Variants in PLXDC2 observed in about 807,000 individuals in gnomAD.
The protein encoded by PLXDC2 is plexin domain-containing protein 2.
In PLXDC2, 40 loss-of-function variants were observed where a neutral mutation model predicts 68.9. That is an observed-to-expected ratio of 0.58 (90% CI 0.45 to 0.76). The LOEUF (loss-of-function observed/expected upper bound fraction) is 0.76, where lower values mean the gene tolerates loss of function less well. Ranked by LOEUF, PLXDC2 falls within the 30% of genes least tolerant of loss-of-function variation. The pLI is 0.00. For synonymous variants in PLXDC2, 243 were observed against 234.2 expected (o/e 1.04, Z -0.34); for missense variants, 644 against 661.9 (o/e 0.97, Z 0.30).
intron 4 of PLXDC2, among the ~76,000 whole-genome samples, chr10:20,119,350 G>C (rs1833664237): frequency 6.6e-6 from 1 of 151,836 alleles, no homozygotes; most frequent in Non-Finnish European, 1.5e-5. Flanking sequence ...GATTTGGGTA[G>C]GTAAAGGAAA....
chr10:20,149,542 A>G (rs527472638), intron 6 of PLXDC2, among the ~76,000 whole-genome samples: 22 of 152,032 alleles, frequency 1.4e-4, no homozygotes, highest in East Asian at 1.2e-3. Context: ...CCCGGCCGAT[A>G]GTTATTTTTT....
chr10:20,090,480 TG>T (rs1833262028), intron 4 of PLXDC2, among the ~76,000 whole-genome samples: 2 of 152,050 alleles, frequency 1.3e-5, no homozygotes, highest in African/African-American at 4.8e-5. Context: ...CCCCATGCCC[TG>T]GAAACAATAT....
At position 20,282,793 on chromosome 10, in the gene PLXDC2, C is replaced by T. The variant is rs993697585; in HGVS notation, c.*2974C>T. The T allele has an allele frequency of 6.6e-6, 1 of 152,146 alleles. No homozygotes were observed. Among genetic ancestry groups the T allele is most frequent in the Non-Finnish European group, 1.5e-5 (1 of 68,022 alleles). The allele number at this position is 152,146 out of a possible 1,614,324, so 9.4% of individuals were successfully genotyped here. ...TGAAGGGTTTGGACTTCAAGATATA[C>T]TAACACCTAGAAAACTAAAAGTGCA... On this transcript the variant is annotated 3_prime_UTR_variant, in exon 14 of 14. Coordinates refer to ENST00000377252, the MANE Select transcript of PLXDC2 (RefSeq NM_032812.9).
chr10:19,825,379 TC>T (rs1440867547), intron 1 of PLXDC2, among the ~76,000 whole-genome samples: 2 of 152,182 alleles, frequency 1.3e-5, no homozygotes, highest in Non-Finnish European at 2.9e-5. Context: ...CTCTATGTAT[TC>T]CTTGGAGTGT....
At chr10:20,029,348 A>C (rs975685008) in intron 2 of PLXDC2, among the ~76,000 whole-genome samples, 1 of 152,186 alleles carries the variant, frequency 6.6e-6, no homozygotes, top group Admixed American at 6.6e-5. Context: ...TCCCACATAC[A>C]TAATCCATGC....
At chr10:20,084,224 T>G (rs1833159909) in intron 4 of PLXDC2, among the ~76,000 whole-genome samples, 1 of 152,212 alleles carries the variant, frequency 6.6e-6, no homozygotes, top group Non-Finnish European at 1.5e-5. Context: ...CAGACATTTT[T>G]AAATTAGGTT....
intron 1 of PLXDC2, among the ~76,000 whole-genome samples, chr10:19,824,462 G>A (rs572837810): frequency 1.3e-5 from 2 of 152,336 alleles, no homozygotes; most frequent in East Asian, 3.9e-4. Flanking sequence ...GTATCACTAA[G>A]TTGCTTTCCA....
chr10:20,104,194 G>A (rs1261045712), intron 4 of PLXDC2, among the ~76,000 whole-genome samples: 1 of 152,138 alleles, frequency 6.6e-6, no homozygotes, highest in Non-Finnish European at 1.5e-5. Context: ...GGATTGTCTA[G>A]GGAAACGCAA....
intron 4 of PLXDC2, among the ~76,000 whole-genome samples, chr10:20,111,798 A>G (rs1399219668): frequency 6.6e-6 from 1 of 152,244 alleles, no homozygotes; most frequent in African/African-American, 2.4e-5. Context: ...AAGTTCACAG[A>G]TCCTAACGTA....
chr10:20,009,473 T>G (rs1471445296), intron 2 of PLXDC2, among the ~76,000 whole-genome samples: 3 of 152,026 alleles, frequency 2.0e-5, no homozygotes, highest in Non-Finnish European at 4.4e-5. Context: ...AAGGCAAAGA[T>G]TAATCCTGAA....
At chr10:20,080,616 A>G (rs1836536917) in intron 4 of PLXDC2, among the ~76,000 whole-genome samples, 1 of 152,178 alleles carries the variant, frequency 6.6e-6, no homozygotes, top group Non-Finnish European at 1.5e-5. Flanking sequence ...TGCCTGCTTT[A>G]TTCTAGCCTC....
At chr10:20,078,256 T>G (rs1306330487) in intron 4 of PLXDC2, among the ~76,000 whole-genome samples, 1 of 152,074 alleles carries the variant, frequency 6.6e-6, no homozygotes, top group Non-Finnish European at 1.5e-5. Flanking sequence ...GGTGGTATGC[T>G]TCTGTAGTCC....
At chr10:19,826,005 T>C (rs1411172258) in intron 1 of PLXDC2, among the ~76,000 whole-genome samples, 1 of 152,178 alleles carries the variant, frequency 6.6e-6, no homozygotes, top group Non-Finnish European at 1.5e-5. Flanking sequence ...TTCAATTCAT[T>C]GAAAAATGTC....
intron 1 of PLXDC2, among the ~76,000 whole-genome samples, chr10:19,958,171 G>A (rs1834101013): frequency 6.6e-6 from 1 of 152,018 alleles, no homozygotes; most frequent in African/African-American, 2.4e-5. Flanking sequence ...GAGAAGAGCA[G>A]ACGAGGATAA....
intron 3 of PLXDC2, among the ~76,000 whole-genome samples, chr10:20,054,814 T>G (rs1037603633): frequency 2.6e-5 from 4 of 151,870 alleles, no homozygotes; most frequent in Non-Finnish European, 4.4e-5. Context: ...GTAACTAACC[T>G]TCACGTTGTG....
intron 9 of PLXDC2, among the ~76,000 whole-genome samples, chr10:20,207,995 G>A (rs1488317944): frequency 2.0e-5 from 3 of 152,088 alleles, no homozygotes; most frequent in African/African-American, 7.2e-5. Context: ...TGGACTCATT[G>A]CAAAACAAGT....
At chr10:20,076,938 G>A (rs1324251311) in intron 4 of PLXDC2, among the ~76,000 whole-genome samples, 2 of 152,224 alleles carry the variant, frequency 1.3e-5, no homozygotes, top group East Asian at 1.9e-4. Flanking sequence ...TGTAACACAC[G>A]ATAGAATCTC....
chr10:20,207,009 TC>T (rs1360444146), intron 9 of PLXDC2, among the ~76,000 whole-genome samples: 1 of 152,124 alleles, frequency 6.6e-6, no homozygotes, highest in African/African-American at 2.4e-5. Context: ...ACACACACAT[TC>T]TTGTGCTTAT....
At chr10:20,068,083 C>T in intron 3 of PLXDC2, 87 bp from the exon 4 acceptor site, 1 of 1,124,474 alleles carries the variant, frequency 8.9e-7, no homozygotes, top group Non-Finnish European at 1.3e-6. Context: ...GTAGAAGCAT[C>T]ATTTTTGTTT....
Sources: gnomAD v4.1 joint callset for allele counts (sites outside exome capture counted in the v4.1 genomes callset) on GRCh38, gnomAD v4.1.1 for gene constraint, MANE v1.5 for transcripts, NCBI Gene and HGNC (gene_info 2026-07-23, HGNC 2026-07-21) for gene names.